Variants in CAMKK1 observed in about 807,000 individuals in gnomAD.
CAMKK1 encodes the protein calcium/calmodulin dependent protein kinase kinase 1.
Under a neutral mutation model 63.5 loss-of-function variants are expected in CAMKK1, and 20 were observed. The observed-to-expected ratio is 0.32, with a 90% confidence interval of 0.22 to 0.46. CAMKK1 has a LOEUF of 0.46. CAMKK1 is among the 20% of genes least tolerant of loss of function. The pLI, the probability that CAMKK1 is intolerant of heterozygous loss-of-function variation, is 1.00. For synonymous variants in CAMKK1, 253 were observed against 269.0 expected, an observed-to-expected ratio of 0.94 and a Z score of 0.58; for missense variants, 588 against 658.1, an observed-to-expected ratio of 0.89 and a Z score of 1.17.
In CAMKK1 at chr17:3,871,561, T is replaced by G. The variant is rs182163734; in HGVS notation, c.1124+993A>C. ...TTAGTAGAGATGGGGTTTCACCGTG[T>G]TAGCCAGGATGGTCTCGATCTCCTG... On this transcript the variant is annotated intron_variant, in intron 12 of 15. Coordinates refer to ENST00000348335, the MANE Select transcript of CAMKK1 (RefSeq NM_032294.3). Among the ~76,000 whole-genome samples the G allele has an allele frequency of 1.5e-3, 230 of 150,084 alleles. 2 individuals carry two copies. Among genetic ancestry groups the G allele is most frequent in the South Asian group, 9.2e-3 (44 of 4,794 alleles).
intron 14 of CAMKK1, among the ~76,000 whole-genome samples, 173 bp downstream of exon 14, chr17:3,869,314 G>A (rs543993093): frequency 2.0e-5 from 3 of 152,232 alleles, no homozygotes; most frequent in Non-Finnish European, 2.9e-5. Flanking sequence ...CTGGTCTCCC[G>A]ACCACAAGAC....
chr17:3,885,465 G>A lies in CAMKK1; in HGVS notation c.223C>T (p.Leu75=), dbSNP rs1161429007. ...RPSLSARKLS[L]QERPAGSYLE... ...TAGCTTCCTGCTGGCCGCTCCTGTA[G>A]GGAAAGCTTCCTGGCTGAGAGGCTA... The change falls in exon 2 of 16, where the codon CTA becomes TTA. Residue 75 remains leucine (L), a synonymous_variant. Coordinates refer to ENST00000348335, the MANE Select transcript of CAMKK1 (RefSeq NM_032294.3). 2.5e-6 allele frequency: 4 copies of A among 1,613,642 alleles called. No individual in the cohort carries two copies. The highest frequency in any genetic ancestry group is 2.2e-5 in the East Asian group (1 of 44,874).
chr17:3,867,850 G>A (rs1006826978), intron 14 of CAMKK1, among the ~76,000 whole-genome samples: 26 of 152,198 alleles, frequency 1.7e-4, no homozygotes, highest in Admixed American at 1.4e-3. Context: ...AGGTGGCCAC[G>A]GGGGACTATG....
At position 3,889,957 on chromosome 17, in the gene CAMKK1, C is replaced by T. The variant is rs963712657; in HGVS notation, c.-44+2982G>A. On this transcript the variant is annotated intron_variant, in intron 1 of 15. Transcript: ENST00000348335. This position sits in a 1 kb window ranked among gnomAD's most constrained non-coding sequence, Gnocchi z 5.2. Reference sequence around the variant, plus strand: ...CCCTGGTCAGGCCTCATTCTGAGCGCTGGAAGGCCGCTGTGAACCCCAGTG... The same window carrying T: ...CCCTGGTCAGGCCTCATTCTGAGCGTTGGAAGGCCGCTGTGAACCCCAGTG... Among the ~76,000 whole-genome samples, 3 of 152,236 alleles carry T rather than the reference C, an allele frequency of 2.0e-5. No individual in the cohort carries two copies. Among genetic ancestry groups the T allele is most frequent in the African/African-American group, 7.2e-5 (3 of 41,470 alleles).
rs1184638757 is a variant in CAMKK1 at position 3,862,422 on chromosome 17, C to T, written c.1446-139G>A. Reference sequence around the variant, plus strand: ...CACCCACTGCCCCAAGCTTGGCCTCCCTCTGGCCTCCCTACATCACGGCAG... The same window carrying T: ...CACCCACTGCCCCAAGCTTGGCCTCTCTCTGGCCTCCCTACATCACGGCAG... On this transcript the variant is annotated intron_variant, in intron 15 of 15. Coordinates refer to ENST00000348335, the MANE Select transcript of CAMKK1 (RefSeq NM_032294.3). The surrounding 1 kb of genome is among the most constrained non-coding windows in gnomAD (Gnocchi z 4.1). 7.0e-6 allele frequency: 5 copies of T among 711,380 alleles called. No homozygotes were observed. Among genetic ancestry groups the T allele is most frequent in the Non-Finnish European group, 1.2e-5 (5 of 412,872 alleles). 44.1% of individuals were successfully genotyped at this position (711,380 alleles called of 1,614,324 possible).
chr17:3,867,301 C>T (rs557799044), intron 14 of CAMKK1, among the ~76,000 whole-genome samples: 2 of 152,284 alleles, frequency 1.3e-5, no homozygotes, highest in African/African-American at 4.8e-5. Context: ...GGCTCTGGGG[C>T]AGCCCCTTCC....
intron 1 of CAMKK1, among the ~76,000 whole-genome samples, chr17:3,891,849 A>G (rs1265451767): frequency 9.9e-5 from 15 of 152,026 alleles, no homozygotes; most frequent in African/African-American, 1.5e-4. Context: ...GACAGAGCCC[A>G]GGAGGCCCCC....
chr17:3,891,683 G>T (rs1035330520), intron 1 of CAMKK1, among the ~76,000 whole-genome samples: 5 of 152,184 alleles, frequency 3.3e-5, no homozygotes, highest in African/African-American at 1.2e-4. Context: ...CTGGCCTCAG[G>T]GATGGCTTCC....
rs2055866424 is a variant in CAMKK1 at position 3,890,670 on chromosome 17, G to T, written c.-44+2269C>A. The T allele has an allele frequency of 2.6e-6, 2 of 779,560 alleles. No individual in the cohort carries two copies. The highest frequency in any genetic ancestry group is 4.8e-6 in the Non-Finnish European group (2 of 417,926). The allele number at this position is 779,560 out of a possible 1,614,324, so 48.3% of individuals were successfully genotyped here. A position where few individuals can be genotyped will look rare whatever the true frequency, so the allele number is the denominator to read the frequency against. On this transcript the variant is annotated intron_variant, in intron 1 of 15. Coordinates refer to ENST00000348335, the MANE Select transcript of CAMKK1 (RefSeq NM_032294.3). The surrounding 1 kb of genome is among the most constrained non-coding windows in gnomAD (Gnocchi z 6.5). ...CGTCCTTTCCCTGTTGCCCACCCTTGCTCCCCACAACCCCACACTTACTCT... is the reference window on the plus strand; with the variant it reads ...CGTCCTTTCCCTGTTGCCCACCCTTTCTCCCCACAACCCCACACTTACTCT...
chr17:3,867,967 AGGAT>A, intron 14 of CAMKK1, among the ~76,000 whole-genome samples: 1 of 130,930 alleles, frequency 7.6e-6, no homozygotes, highest in Non-Finnish European at 1.6e-5. Context: ...ATGGATACGC[AGGAT>A]CTGGGGGAGA....
At chr17:3,863,682 C>A (rs1277702305) in intron 15 of CAMKK1, among the ~76,000 whole-genome samples, 1 of 152,166 alleles carries the variant, frequency 6.6e-6, no homozygotes, top group Non-Finnish European at 1.5e-5. Context: ...TTAAGTCCAG[C>A]CTGGGCAACA....
At chr17:3,871,351 T>TG (rs2054852657) in intron 12 of CAMKK1, among the ~76,000 whole-genome samples, 1 of 77,482 alleles carries the variant, frequency 1.3e-5, no homozygotes, top group Non-Finnish European at 2.4e-5. Context: ...TTTTTTGTTT[T>TG]TTTTTTTTTT....
intron 12 of CAMKK1, among the ~76,000 whole-genome samples, chr17:3,871,640 G>A (rs1268886649): frequency 2.7e-5 from 4 of 148,356 alleles, no homozygotes; most frequent in Non-Finnish European, 5.9e-5. Context: ...ACAGGTGTGA[G>A]CCGCCGCACC....
At position 3,862,168 on chromosome 17, in the gene CAMKK1, G is replaced by A. The variant is rs757569861; in HGVS notation, c.*43C>T. The A allele has an allele frequency of 1.8e-5, 27 of 1,525,470 alleles. No homozygotes were observed. The South Asian group carries it at 1.9e-4, about 11-fold the overall frequency. The allele number at this position is 1,525,470 out of a possible 1,614,324, so 94.5% of individuals were successfully genotyped here. On this transcript the variant is annotated 3_prime_UTR_variant, in exon 16 of 16. Transcript: ENST00000348335. The surrounding 1 kb of genome is among the most constrained non-coding windows in gnomAD (Gnocchi z 4.1). The stretch of plus-strand genomic sequence containing the variant: ...ATGAGGGGTGGGCCTCTGGAGGCGC[G>A]GGATGAGTGTGCTGCCGGGTGGCCC...
chr17:3,873,129 G>C (rs2054968880), intron 11 of CAMKK1, among the ~76,000 whole-genome samples: 1 of 152,224 alleles, frequency 6.6e-6, no homozygotes, highest in African/African-American at 2.4e-5. Context: ...TAAGTGAATG[G>C]CGTCAAGGGA....
intron 2 of CAMKK1, 95 bp downstream of exon 2, chr17:3,885,233 C>G: frequency 7.3e-7 from 1 of 1,374,000 alleles, no homozygotes; most frequent in Non-Finnish European, 9.6e-7. Context: ...CAAACCAAAG[C>G]TAGATAGCCG....
In CAMKK1 at chr17:3,880,368, G is replaced by A. The variant is rs1597475714; in HGVS notation, c.774C>T (p.Asp258=). The A allele has an allele frequency of 2.5e-6, 4 of 1,613,982 alleles. No individual in the cohort carries two copies. The highest frequency in any genetic ancestry group is 1.1e-5 in the South Asian group (1 of 91,056). ...SEEQARLYLR[D]VILGLEYLHC... Reference sequence around the variant, plus strand: ...CACAGTACTCGAGGCCCAGGATGACGTCCCGCAGGTAGAGGCGAGCTTGCT... The same window carrying A: ...CACAGTACTCGAGGCCCAGGATGACATCCCGCAGGTAGAGGCGAGCTTGCT... Residue 258 remains aspartate, a synonymous_variant, in exon 9 of 16, where the codon GAC becomes GAT. Coordinates refer to ENST00000348335, the MANE Select transcript of CAMKK1 (RefSeq NM_032294.3).
chr17:3,867,207 C>T (rs957491580), intron 14 of CAMKK1, among the ~76,000 whole-genome samples: 7 of 152,162 alleles, frequency 4.6e-5, no homozygotes, highest in Admixed American at 1.3e-4. Context: ...GGGACCCTGG[C>T]GTAAAAAGCC....
chr17:3,886,727 G>C (rs1439889883), intron 1 of CAMKK1, among the ~76,000 whole-genome samples: 2 of 152,150 alleles, frequency 1.3e-5, no homozygotes, highest in African/African-American at 4.8e-5. Context: ...CTGTGTGGCG[G>C]CTGAAACATC....
Sources: gnomAD v4.1 joint callset for allele counts (sites outside exome capture counted in the v4.1 genomes callset) on GRCh38, gnomAD v4.1.1 for gene constraint, Gnocchi (gnomAD v3.1) non-coding constraint, MANE v1.5 for transcripts, NCBI Gene and HGNC (gene_info 2026-07-23, HGNC 2026-07-21) for gene names.